Variants in INPP5A observed in about 807,000 individuals in gnomAD.
INPP5A encodes the protein 43 kDa inositol polyphosphate 5-phophatase.
A neutral mutation model predicts 65.2 loss-of-function variants in INPP5A; 14 were observed. That is an observed-to-expected ratio of 0.21 (90% CI 0.14 to 0.34). The LOEUF (loss-of-function observed/expected upper bound fraction) is 0.34, where lower values mean the gene tolerates loss of function less well. Ranked by LOEUF, INPP5A falls within the 10% of genes least tolerant of loss-of-function variation. The pLI is 1.00. For synonymous variants in INPP5A, 207 were observed against 208.3 expected (o/e 0.99, Z 0.05); for missense variants, 431 against 545.6 (o/e 0.79, Z 2.09).
chr10:132,673,451 C>T (rs748374830), intron 4 of INPP5A, among the ~76,000 whole-genome samples: 3 of 152,228 alleles, frequency 2.0e-5, no homozygotes, highest in Non-Finnish European at 4.4e-5. Flanking sequence ...CCATGGCCCT[C>T]TGGAGAACTT....
At chr10:132,734,965 C>T (rs1403366653) in intron 9 of INPP5A, among the ~76,000 whole-genome samples, 2 of 152,198 alleles carry the variant, frequency 1.3e-5, no homozygotes, top group Non-Finnish European at 2.9e-5. Context: ...TGGTGAGCCC[C>T]TCAGAGAAGG....
chr10:132,773,781 C>T (rs776876889), intron 12 of INPP5A, among the ~76,000 whole-genome samples: 13 of 152,156 alleles, frequency 8.5e-5, no homozygotes, highest in Non-Finnish European at 1.9e-4. Context: ...GGGGAGCACC[C>T]AGGACAGCCT....
chr10:132,713,668 C>T (rs914189260), intron 8 of INPP5A, among the ~76,000 whole-genome samples: 1 of 152,158 alleles, frequency 6.6e-6, no homozygotes, highest in Non-Finnish European at 1.5e-5. Flanking sequence ...GTGGCAACTG[C>T]GAGGCCTGGG....
chr10:132,709,200 C>T (rs1334906448), intron 7 of INPP5A, among the ~76,000 whole-genome samples: 1 of 148,110 alleles, frequency 6.8e-6, no homozygotes. Context: ...TCGGGCCTCT[C>T]CCTGGGGCTG....
intron 8 of INPP5A, among the ~76,000 whole-genome samples, chr10:132,721,283 T>C (rs1845873365): frequency 6.6e-6 from 1 of 150,994 alleles, no homozygotes; most frequent in East Asian, 2.0e-4. Context: ...TCTTGCGGGT[T>C]CTGTGGTGCC....
At position 132,555,947 on chromosome 10, in the gene INPP5A, C is replaced by T. The variant is rs956408413; in HGVS notation, c.75+17776C>T. On this transcript the variant is annotated intron_variant, in intron 1 of 15. Coordinates refer to ENST00000368594, the MANE Select transcript of INPP5A (RefSeq NM_005539.5). This position sits in a 1 kb window ranked among gnomAD's most constrained non-coding sequence, Gnocchi z 4.4. ...CCTGCTGGAATTCACCTTGGCTCAG[C>T]GCTTGGTGCTTTTGATGGAGAAAAT... 5.3e-5 allele frequency among the ~76,000 whole-genome samples: 8 copies of T among 151,950 alleles called. No homozygotes were observed. The highest frequency in any genetic ancestry group is 1.9e-4 in the East Asian group (1 of 5,162).
chr10:132,756,361 C>G (rs111900760), intron 11 of INPP5A, among the ~76,000 whole-genome samples: 3,468 of 151,794 alleles, frequency 0.023, 119 homozygotes, highest in African/African-American at 0.078. Flanking sequence ...TGTGTGTACA[C>G]GTGTGCACTC....
At chr10:132,672,537 C>A (rs1182751678) in intron 4 of INPP5A, among the ~76,000 whole-genome samples, 1 of 152,162 alleles carries the variant, frequency 6.6e-6, no homozygotes, top group Non-Finnish European at 1.5e-5. Flanking sequence ...CTGCTTCCAT[C>A]CATATAAGAT....
At chr10:132,579,361 T>C (rs1478879566) in intron 1 of INPP5A, among the ~76,000 whole-genome samples, 2 of 152,072 alleles carry the variant, frequency 1.3e-5, no homozygotes, top group Non-Finnish European at 2.9e-5. Context: ...TGAACTCCGT[T>C]TTCCTCCTTT....
chr10:132,737,129 C>T (rs1846190694), intron 9 of INPP5A, among the ~76,000 whole-genome samples: 1 of 152,260 alleles, frequency 6.6e-6, no homozygotes, highest in South Asian at 2.1e-4. Flanking sequence ...GATGTTCCTG[C>T]ATCGGCTGCA....
At chr10:132,629,719 T>C (rs1170256969) in intron 2 of INPP5A, among the ~76,000 whole-genome samples, 1 of 152,142 alleles carries the variant, frequency 6.6e-6, no homozygotes, top group Non-Finnish European at 1.5e-5. Context: ...GAGGGGTGGG[T>C]ATCCACAAGG....
At chr10:132,563,640 G>A (rs1196995678) in intron 1 of INPP5A, among the ~76,000 whole-genome samples, 4 of 152,092 alleles carry the variant, frequency 2.6e-5, no homozygotes, top group Middle Eastern at 3.2e-3. Context: ...AAAACGAAGT[G>A]CGAGTGGGTG....
At chr10:132,694,756 T>TATC (rs1845319742) in intron 5 of INPP5A, among the ~76,000 whole-genome samples, 1 of 152,182 alleles carries the variant, frequency 6.6e-6, no homozygotes, top group South Asian at 2.1e-4. Context: ...AATAAAAGAA[T>TATC]ATCATTAATT....
At chr10:132,618,812 G>A (rs1268803446) in intron 2 of INPP5A, among the ~76,000 whole-genome samples, 1 of 152,122 alleles carries the variant, frequency 6.6e-6, no homozygotes, top group East Asian at 1.9e-4. Context: ...GGGATGAAGT[G>A]CACACACCTT....
intron 8 of INPP5A, among the ~76,000 whole-genome samples, chr10:132,713,896 A>T (rs778979956): frequency 1.4e-4 from 22 of 152,258 alleles, no homozygotes; most frequent in Non-Finnish European, 3.1e-4. Context: ...TCAGCGACAA[A>T]GTGACTGATG....
intron 1 of INPP5A, among the ~76,000 whole-genome samples, chr10:132,573,673 G>A (rs542448950): frequency 1.0e-5 from 1 of 100,458 alleles, no homozygotes; most frequent in African/African-American, 4.6e-5. Context: ...TGCCGTGTGA[G>A]GTTTTGTTGA....
intron 1 of INPP5A, among the ~76,000 whole-genome samples, chr10:132,606,982 C>T (rs2071865252): frequency 6.6e-6 from 1 of 152,214 alleles, no homozygotes; most frequent in Non-Finnish European, 1.5e-5. Flanking sequence ...TAGATGCTGA[C>T]TCTGTCCCCT....
At chr10:132,567,018 T>G (rs1278007234) in intron 1 of INPP5A, among the ~76,000 whole-genome samples, 1 of 152,208 alleles carries the variant, frequency 6.6e-6, no homozygotes, top group Non-Finnish European at 1.5e-5. Context: ...GCACAGGGTA[T>G]TAGTCCGGCT....
intron 2 of INPP5A, 114 bp from the exon 3 acceptor site, chr10:132,645,754 G>A (rs988574763): frequency 1.1e-5 from 8 of 753,434 alleles, no homozygotes; most frequent in South Asian, 5.1e-5. Context: ...ATGGGGCCCC[G>A]TCTCTGCCAG....
Sources: gnomAD v4.1 joint callset for allele counts (sites outside exome capture counted in the v4.1 genomes callset) on GRCh38, gnomAD v4.1.1 for gene constraint, Gnocchi (gnomAD v3.1) non-coding constraint, MANE v1.5 for transcripts, NCBI Gene and HGNC (gene_info 2026-07-23, HGNC 2026-07-21) for gene names.